Variants in KIF5C observed in about 807,000 individuals in gnomAD.
KIF5C encodes kinesin heavy chain isoform 5C.
A neutral mutation model predicts 125.2 loss-of-function variants in KIF5C; 18 were observed. The ratio of observed to expected loss-of-function variants is 0.14; its 90% CI spans 0.10 to 0.21. The LOEUF (loss-of-function observed/expected upper bound fraction) is 0.21. KIF5C is among the 10% of genes least tolerant of loss of function. KIF5C has a pLI of 1.00. For synonymous variants in KIF5C, 405 were observed against 434.0 expected (o/e 0.93, Z 0.83); for missense variants, 780 against 1,183.8 (o/e 0.66, Z 5.01).
intron 3 of KIF5C, among the ~76,000 whole-genome samples, chr2:148,935,782 A>G (rs779427261): frequency 6.6e-6 from 1 of 152,222 alleles, no homozygotes; most frequent in Non-Finnish European, 1.5e-5. Context: ...CACTTTATAT[A>G]TCCTATTTAA....
intron 21 of KIF5C, 77 bp from the exon 22 acceptor site, chr2:149,005,316 G>A (rs1419339151): frequency 1.9e-6 from 3 of 1,565,356 alleles, no homozygotes; most frequent in East Asian, 4.7e-5. Flanking sequence ...GAAGTGTCGG[G>A]GGAATGATCT....
At chr2:148,978,246 A>T (rs1480656076) in intron 12 of KIF5C, among the ~76,000 whole-genome samples, 2 of 151,866 alleles carry the variant, frequency 1.3e-5, no homozygotes, top group African/African-American at 4.8e-5. Context: ...GTGGCAGAAA[A>T]AGAGTGAGAA....
rs1465620119 is a variant in KIF5C, at chr2:148,876,160, G to T, written c.126+417G>T. Among the ~76,000 whole-genome samples the T allele has an allele frequency of 6.6e-6, 1 of 152,174 alleles. No homozygotes were observed. Among genetic ancestry groups the T allele is most frequent in the Non-Finnish European group, 1.5e-5 (1 of 68,026 alleles). On this transcript the variant is annotated intron_variant, in intron 1 of 25. Coordinates refer to ENST00000435030, the MANE Select transcript of KIF5C (RefSeq NM_004522.3). The surrounding 1 kb of genome is among the most constrained non-coding windows in gnomAD (Gnocchi z 4.7). The stretch of plus-strand genomic sequence containing the variant: ...AATGCTTCTGGGCATCAATCAATTC[G>T]ATTTACCAAACGCCTTGCCTCTTCT...
chr2:148,941,705 C>G, intron 5 of KIF5C, 47 bp downstream of exon 5: 1 of 1,542,370 alleles, frequency 6.5e-7, no homozygotes, highest in Non-Finnish European at 8.7e-7. Flanking sequence ...TAACGAAAGT[C>G]CGGGGAGGTT....
intron 1 of KIF5C, among the ~76,000 whole-genome samples, chr2:148,896,830 T>G (rs891071313): frequency 2.6e-5 from 4 of 151,856 alleles, no homozygotes; most frequent in African/African-American, 9.6e-5. Context: ...TTCCTCTCTC[T>G]CTCTCTCTCT....
intron 1 of KIF5C, among the ~76,000 whole-genome samples, chr2:148,904,751 T>A (rs1681037625): frequency 1.3e-5 from 2 of 152,204 alleles, no homozygotes; most frequent in Non-Finnish European, 2.9e-5. Context: ...AAGTTACAAT[T>A]GTTAAGTCCT....
At chr2:148,923,670 C>T (rs1257079980) in intron 2 of KIF5C, among the ~76,000 whole-genome samples, 1 of 152,028 alleles carries the variant, frequency 6.6e-6, no homozygotes, top group African/African-American at 2.4e-5. Flanking sequence ...TTTTCTCTCC[C>T]CCTTCATTAT....
intron 2 of KIF5C, among the ~76,000 whole-genome samples, chr2:148,923,925 C>T (rs532234975): frequency 6.6e-6 from 1 of 152,268 alleles, no homozygotes; most frequent in East Asian, 1.9e-4. Context: ...AAGATATGGC[C>T]TAACTCTGGA....
intron 19 of KIF5C, 46 bp from the exon 20 acceptor site, chr2:149,000,377 A>G (rs780452823): frequency 6.5e-7 from 1 of 1,537,692 alleles, no homozygotes; most frequent in East Asian, 2.5e-5. Flanking sequence ...ATGACTCAGA[A>G]TTTCAGACTG....
chr2:148,899,725 A>G (rs868412171), intron 1 of KIF5C, among the ~76,000 whole-genome samples: 61 of 150,372 alleles, frequency 4.1e-4, no homozygotes, highest in African/African-American at 1.5e-3. Flanking sequence ...AAAAAAAAAA[A>G]GAAAACAATT....
At chr2:148,949,086 C>G (rs1682594950) in intron 8 of KIF5C, among the ~76,000 whole-genome samples, 1 of 152,144 alleles carries the variant, frequency 6.6e-6, no homozygotes, top group South Asian at 2.1e-4. Context: ...ATCGTTTGTC[C>G]AGTCAGCAGA....
chr2:148,967,751 C>T (rs533710437), intron 11 of KIF5C, among the ~76,000 whole-genome samples: 87 of 152,244 alleles, frequency 5.7e-4, no homozygotes, highest in South Asian at 1.9e-3. Context: ...AGCCTGCTTG[C>T]TTAAGGAACA....
At chr2:148,882,070 T>C (rs1031257758) in intron 1 of KIF5C, among the ~76,000 whole-genome samples, 3 of 152,104 alleles carry the variant, frequency 2.0e-5, no homozygotes, top group African/African-American at 4.8e-5. Context: ...TTAGTAGGAA[T>C]TGAGTGGTTG....
At position 148,962,138 on chromosome 2, in the gene KIF5C, G is replaced by A. The variant is rs1334186404; in HGVS notation, c.1117+19G>A. 3 of 1,586,826 alleles carry A rather than the reference G, an allele frequency of 1.9e-6. No individual in the cohort carries two copies. The highest frequency in any genetic ancestry group is 1.1e-5 in the South Asian group (1 of 87,982). On this transcript the variant is annotated intron_variant, in intron 11 of 25. Coordinates refer to ENST00000435030, the MANE Select transcript of KIF5C (RefSeq NM_004522.3). ...AGGAATGGTAAGGAAAAGTAAGGAG[G>A]AAGAGTGAGGCATGAGTGTGTGCTT...
rs887046749 is a variant in KIF5C, at chr2:148,976,333, G to A, written c.1294-2589G>A. ...CACTCAGGCTGGAGTCCAGTGGTGC[G>A]ACCTCAGTGCACTGCAACCTCTGCC... On this transcript the variant is annotated intron_variant, in intron 12 of 25. Transcript: ENST00000435030. Among the ~76,000 whole-genome samples the A allele has an allele frequency of 4.6e-5, 7 of 151,298 alleles. No homozygotes were observed. In the East Asian group the frequency reaches 5.8e-4, roughly 13 times the overall value.
At chr2:148,985,193 T>C (rs913341018) in intron 15 of KIF5C, among the ~76,000 whole-genome samples, 7 of 152,090 alleles carry the variant, frequency 4.6e-5, no homozygotes, top group Admixed American at 4.6e-4. Flanking sequence ...AAGGAAGAGA[T>C]AGAGTTAAAA....
chr2:148,895,876 C>CACACACACACACACACA (rs1558876307), intron 1 of KIF5C, among the ~76,000 whole-genome samples: 14 of 27,082 alleles, frequency 5.2e-4, no homozygotes, highest in Admixed American at 3.1e-3. Flanking sequence ...ACACACACAC[C>CACACACACACACACACA]CACAGAGATC....
At chr2:148,995,090 C>T (rs901309884) in intron 17 of KIF5C, among the ~76,000 whole-genome samples, 3 of 152,164 alleles carry the variant, frequency 2.0e-5, no homozygotes, top group Non-Finnish European at 2.9e-5. Context: ...GAATCCCCTG[C>T]TCCCCACCTC....
Position 148,875,662 on chromosome 2 carries a change from C to T in KIF5C, c.45C>T (p.Phe15=). 6.4e-7 allele frequency: 1 copy of T among 1,555,710 alleles called. No individual in the cohort carries two copies. Reference sequence around the variant, plus strand: ...GCAGCATCAAAGTGATGTGCCGGTTCCGGCCCCTCAACGAAGCGGAGATCC... The same window carrying T: ...GCAGCATCAAAGTGATGTGCCGGTTTCGGCCCCTCAACGAAGCGGAGATCC... ...AECSIKVMCR[F]RPLNEAEILR... The change falls in exon 1 of 26, where the codon TTC becomes TTT. Residue 15 remains phenylalanine, a synonymous_variant. Coordinates refer to ENST00000435030, the MANE Select transcript of KIF5C (RefSeq NM_004522.3).
Sources: allele counts gnomAD v4.1 joint callset (sites outside exome capture counted in the v4.1 genomes callset), GRCh38; gene constraint gnomAD v4.1.1; non-coding constraint Gnocchi (gnomAD v3.1); transcripts MANE v1.5; gene names NCBI Gene and HGNC (gene_info 2026-07-23, HGNC 2026-07-21).